NXPE2: variants seen among roughly 807,000 people sequenced by gnomAD.
NXPE2 encodes neurexophilin and PC-esterase domain family member 2.
A neutral mutation model predicts 34.4 loss-of-function variants in NXPE2; 34 were observed. The observed-to-expected ratio is 0.99, with a 90% CI of 0.75 to 1.31. NXPE2 has a LOEUF of 1.31. Among genes scored for constraint, NXPE2 ranks in the 40% most tolerant of loss-of-function variants. The pLI is 0.00. For synonymous variants in NXPE2, 235 were observed against 231.3 expected (o/e 1.02, Z -0.15); for missense variants, 649 against 672.5 (o/e 0.97, Z 0.39).
the NXPE2 span, chr11:114,523,215 C>A: frequency 1.5e-6 from 1 of 667,962 alleles, no homozygotes; most frequent in South Asian, 1.9e-5. Flanking sequence ...CTTTTTCTGT[C>A]CCTTTCTAGT....
At chr11:114,702,984 C>T (rs56747149) in intron 3 of NXPE2, among the ~76,000 whole-genome samples, 3,326 of 152,208 alleles carry the variant, frequency 0.022, 101 homozygotes, top group African/African-American at 0.074. Flanking sequence ...GATTTCATTC[C>T]GATAGAGTGA....
the NXPE2 span, among the ~76,000 whole-genome samples, chr11:114,602,729 C>G: frequency 7.0e-6 from 1 of 143,128 alleles, no homozygotes; most frequent in Non-Finnish European, 1.5e-5. Context: ...ATAATTATCT[C>G]ATATATAATT....
the NXPE2 span, among the ~76,000 whole-genome samples, chr11:114,748,854 T>G: frequency 6.6e-6 from 1 of 152,242 alleles, no homozygotes; most frequent in Non-Finnish European, 1.5e-5. Context: ...TCAATTTATT[T>G]ATTGATTAAT....
the NXPE2 span, among the ~76,000 whole-genome samples, chr11:114,793,316 CTG>C: frequency 1.3e-5 from 2 of 152,110 alleles, no homozygotes; most frequent in Non-Finnish European, 2.9e-5. Context: ...ACTCTATTTT[CTG>C]TGTTACTACC....
At chr11:114,605,214 C>T in the NXPE2 span, among the ~76,000 whole-genome samples, 1 of 152,032 alleles carries the variant, frequency 6.6e-6, no homozygotes, top group East Asian at 1.9e-4. Context: ...TAAGTATTGC[C>T]TCGTGGGTAA....
the NXPE2 span, among the ~76,000 whole-genome samples, chr11:114,801,119 T>C: frequency 6.6e-6 from 1 of 152,148 alleles, no homozygotes. Context: ...TTAACAGTAG[T>C]GAAAACACAA....
At chr11:114,628,811 T>C in the NXPE2 span, among the ~76,000 whole-genome samples, 2 of 151,446 alleles carry the variant, frequency 1.3e-5, no homozygotes, top group South Asian at 2.1e-4. Context: ...AAGAATCAAA[T>C]AGACGCAATA....
the NXPE2 span, among the ~76,000 whole-genome samples, chr11:114,535,348 C>T: frequency 2.0e-5 from 3 of 152,152 alleles, no homozygotes; most frequent in Non-Finnish European, 4.4e-5. Flanking sequence ...TAAAGAATAT[C>T]AAGGCTAGGA....
chr11:114,566,272 G>A, the NXPE2 span, among the ~76,000 whole-genome samples: 291 of 152,264 alleles, frequency 1.9e-3, no homozygotes, highest in African/African-American at 6.8e-3. Context: ...TATAGATAGA[G>A]CAAAGTGGAT....
chr11:114,639,782 TATA>T, the NXPE2 span, among the ~76,000 whole-genome samples: 1 of 125,926 alleles, frequency 7.9e-6, no homozygotes, highest in South Asian at 2.2e-4. Context: ...TAATATAAAA[TATA>T]ATATATATTA....
the NXPE2 span, among the ~76,000 whole-genome samples, chr11:114,776,321 G>A: frequency 1.3e-5 from 2 of 152,252 alleles, no homozygotes; most frequent in Non-Finnish European, 2.9e-5. Context: ...TGTCCGTTTT[G>A]TCCACCTGCC....
chr11:114,494,864 C>A, the NXPE2 span, among the ~76,000 whole-genome samples: 2 of 152,056 alleles, frequency 1.3e-5, no homozygotes, highest in African/African-American at 4.8e-5. Flanking sequence ...TCCAGGTGCT[C>A]GGAGGGACTT....
At chr11:114,488,561 A>G in the NXPE2 span, among the ~76,000 whole-genome samples, 109 of 152,316 alleles carry the variant, frequency 7.2e-4, 2 homozygotes, top group East Asian at 0.017. Context: ...AACTCACTCA[A>G]AACTGCTCAA....
chr11:114,662,978 G>A, the NXPE2 span, among the ~76,000 whole-genome samples: 13,972 of 152,212 alleles, frequency 0.092, 766 homozygotes, highest in Middle Eastern at 0.2. Flanking sequence ...CAATGGAGGA[G>A]AGCAACAAGC....
chr11:114,658,965 A>G, the NXPE2 span, among the ~76,000 whole-genome samples: 5 of 152,164 alleles, frequency 3.3e-5, no homozygotes, highest in Non-Finnish European at 7.3e-5. Flanking sequence ...TGGGACATTG[A>G]CACACAAGGA....
At chr11:114,567,424 C>T in the NXPE2 span, among the ~76,000 whole-genome samples, 6 of 151,994 alleles carry the variant, frequency 3.9e-5, no homozygotes, top group South Asian at 8.3e-4. Context: ...GGAAAACCAA[C>T]GATCTCTGCT....
chr11:114,751,737 AG>A, the NXPE2 span, among the ~76,000 whole-genome samples: 1 of 152,202 alleles, frequency 6.6e-6, no homozygotes, highest in Non-Finnish European at 1.5e-5. Context: ...ACTTGGCAAA[AG>A]GGACTTTGAA....
At chr11:114,626,492 A>G in the NXPE2 span, among the ~76,000 whole-genome samples, 1 of 152,210 alleles carries the variant, frequency 6.6e-6, no homozygotes, top group Non-Finnish European at 1.5e-5. Context: ...AAACTAACAG[A>G]AAGGACATCC....
the NXPE2 span, chr11:114,553,762 G>A: frequency 2.3e-4 from 222 of 985,088 alleles, 1 homozygote; most frequent in Admixed American, 1.1e-3. Context: ...AATCCTCACT[G>A]GTAGAGGTGA....
Sources: allele counts gnomAD v4.1 joint callset (sites outside exome capture counted in the v4.1 genomes callset), GRCh38; gene constraint gnomAD v4.1.1; transcripts MANE v1.5; gene names NCBI Gene and HGNC (gene_info 2026-07-23, HGNC 2026-07-21).